BIN2: variants seen among roughly 807,000 people sequenced by gnomAD.
The protein encoded by BIN2 is breast cancer associated protein BRAP1.
Under a neutral mutation model 67.9 loss-of-function variants are expected in BIN2, and 43 were observed. The ratio of observed to expected loss-of-function variants is 0.63; its 90% CI spans 0.50 to 0.82. The LOEUF (loss-of-function observed/expected upper bound fraction) is 0.82, where lower values mean the gene tolerates loss of function less well. Among genes scored for constraint, BIN2 ranks in the 40% least tolerant of loss-of-function variants. The pLI, the probability that BIN2 is intolerant of heterozygous loss-of-function variation, is 0.00. For missense variants in BIN2, 581 were observed against 671.6 expected (o/e 0.87, Z 1.49); for synonymous variants, 244 against 246.8 (o/e 0.99, Z 0.11).
chr12:51,298,424 G>A (rs985671796), intron 7 of BIN2, among the ~76,000 whole-genome samples: 3 of 151,860 alleles, frequency 2.0e-5, no homozygotes, highest in African/African-American at 7.3e-5. Context: ...GTGGTGGCAC[G>A]TGCCTGTAGT....
chr12:51,283,179 C>T (rs1945153389), intron 12 of BIN2, among the ~76,000 whole-genome samples: 1 of 150,080 alleles, frequency 6.7e-6, no homozygotes, highest in African/African-American at 2.5e-5. Flanking sequence ...ATCGCTTGAA[C>T]CCAGGAGGCG....
intron 2 of BIN2, among the ~76,000 whole-genome samples, chr12:51,309,860 GA>G (rs940696576): frequency 1.1e-3 from 165 of 152,292 alleles, no homozygotes; most frequent in African/African-American, 3.3e-3. Flanking sequence ...TGCTCTTAGA[GA>G]GAGGACAAAG....
chr12:51,312,538 T>C (rs949573066), intron 2 of BIN2, among the ~76,000 whole-genome samples: 6 of 152,310 alleles, frequency 3.9e-5, no homozygotes, highest in African/African-American at 1.4e-4. Flanking sequence ...GTTACTTAGG[T>C]TGCCGAATGA....
intron 11 of BIN2, among the ~76,000 whole-genome samples, chr12:51,287,013 G>A (rs1330555674): frequency 6.6e-6 from 1 of 152,040 alleles, no homozygotes; most frequent in Non-Finnish European, 1.5e-5. Flanking sequence ...GTAGAGATGG[G>A]TTTTTCCTAT....
At chr12:51,299,093 G>A in intron 7 of BIN2, 110 bp downstream of exon 7, 2 of 650,318 alleles carry the variant, frequency 3.1e-6, no homozygotes, top group South Asian at 3.6e-5. Flanking sequence ...AAAAAAGGGG[G>A]CGGGGCAGTG....
chr12:51,299,372 T>A, intron 6 of BIN2, 84 bp from the exon 7 acceptor site: 1 of 1,333,932 alleles, frequency 7.5e-7, no homozygotes, highest in Non-Finnish European at 1.1e-6. Flanking sequence ...TGCATTTTTT[T>A]AGGCACTAGG....
At chr12:51,306,124 C>A (rs898641204) in intron 2 of BIN2, among the ~76,000 whole-genome samples, 1 of 152,098 alleles carries the variant, frequency 6.6e-6, no homozygotes, top group Admixed American at 6.6e-5. Context: ...GTGTGAGCCA[C>A]TGTGCTGGGT....
At chr12:51,308,079 C>T (rs1265215091) in intron 2 of BIN2, among the ~76,000 whole-genome samples, 1 of 151,994 alleles carries the variant, frequency 6.6e-6, no homozygotes, top group African/African-American at 2.4e-5. Flanking sequence ...AGGTCAGCAA[C>T]AGGTATCATT....
chr12:51,297,052 C>T (rs1352254160), intron 8 of BIN2, 37 bp downstream of exon 8: 1 of 1,548,672 alleles, frequency 6.5e-7, no homozygotes, highest in African/African-American at 1.4e-5. Context: ...TACTAGAAAA[C>T]ACACCTAGGA....
chr12:51,282,833 G>A (rs1235224566), intron 12 of BIN2, among the ~76,000 whole-genome samples: 2 of 151,730 alleles, frequency 1.3e-5, no homozygotes, highest in African/African-American at 2.4e-5. Context: ...TGAACTCCTG[G>A]TCTCAAGTGA....
chr12:51,281,453 C>T lies in BIN2; in HGVS notation c.*46G>A, dbSNP rs1440811991. ...TGACCTATACCCTCTGGTTGAAGAG[C>T]TTCTCTGGCGAGGTTTGGGGCAGGA... On this transcript the variant is annotated 3_prime_UTR_variant, in exon 13 of 13. Transcript: ENST00000615107. 2 of 1,595,340 alleles carry T rather than the reference C, an allele frequency of 1.3e-6. No homozygotes were observed. Among genetic ancestry groups the T allele is most frequent in the South Asian group, 1.1e-5 (1 of 90,666 alleles).
rs1433079941 is a variant in BIN2, at chr12:51,292,081, C to T, written c.1025G>A (p.Gly342Asp). 9 of 1,614,146 alleles carry T rather than the reference C, an allele frequency of 5.6e-6. No individual in the cohort carries two copies. The highest frequency in any genetic ancestry group is 2.2e-5 in the South Asian group (2 of 91,088). ...EEDEPLPACN[G>D]PAQAQPSPTT... ...AGGAGAGGGCTGGGCCTGGGCGGGG[C>T]CATTGCAGGCTGGTAGAGGCTCATC... The change falls in exon 10 of 13, where the codon GGC (glycine) becomes GAC (aspartate). Residue 342 changes from glycine (G) to aspartate (D), a missense_variant. Gly to Asp is a moderately conservative substitution (Grantham distance 94, BLOSUM62 -1). Coordinates refer to ENST00000615107, the MANE Select transcript of BIN2 (RefSeq NM_016293.4).
chr12:51,293,855 A>C (rs1324870473), intron 9 of BIN2, among the ~76,000 whole-genome samples: 1 of 152,208 alleles, frequency 6.6e-6, no homozygotes, highest in Non-Finnish European at 1.5e-5. Context: ...ATGTGGACTC[A>C]TGAGGGCTCT....
At chr12:51,307,315 A>G (rs1307630483) in intron 2 of BIN2, among the ~76,000 whole-genome samples, 1 of 152,026 alleles carries the variant, frequency 6.6e-6, no homozygotes, top group Non-Finnish European at 1.5e-5. Context: ...CAAGACTTTT[A>G]AATTCTTTCT....
intron 7 of BIN2, among the ~76,000 whole-genome samples, chr12:51,298,246 C>T (rs1945622550): frequency 1.3e-5 from 2 of 152,208 alleles, no homozygotes; most frequent in Admixed American, 6.5e-5. Flanking sequence ...GTGGCACGCG[C>T]CTGTAGTCCC....
chr12:51,302,237 T>A (rs1052123503), intron 4 of BIN2, 122 bp from the exon 5 acceptor site: 10 of 668,726 alleles, frequency 1.5e-5, no homozygotes, highest in African/African-American at 3.6e-5. Context: ...GAATACCATG[T>A]TGGATTCTGG....
At chr12:51,304,412 C>G (rs1945814365) in intron 2 of BIN2, 1 of 152,122 alleles carries the variant, frequency 6.6e-6, no homozygotes, top group African/African-American at 2.4e-5. Context: ...GTGTTTAGGC[C>G]CTCTTCCCAT....
chr12:51,311,918 TGTCCTATCAC>T (rs1417255617), intron 2 of BIN2, among the ~76,000 whole-genome samples: 1 of 152,074 alleles, frequency 6.6e-6, no homozygotes, highest in African/African-American at 2.4e-5. Context: ...ATTACAGGCA[TGTCCTATCAC>T]GCCCAGCTAA....
At position 51,292,195 on chromosome 12, in the gene BIN2, G is replaced by C. The variant is rs775958753; in HGVS notation, c.911C>G (p.Ala304Gly). The C allele has an allele frequency of 6.8e-6, 11 of 1,612,364 alleles. 1 individual carries two copies. In the South Asian group the frequency reaches 1.2e-4, roughly 18 times the overall value. ...GATCTCAGAATTGTCTTCCCCTTGG[G>C]CTGCATCAGGTGCCAGATCTTCAGT... Reference protein sequence around the residue: ...SATEDLAPDAAQGEDNSEIKE... With the variant: ...SATEDLAPDAGQGEDNSEIKE... The change falls in exon 10 of 13, where the codon GCC (alanine) becomes GGC (glycine). Residue 304 changes from alanine (A) to glycine (G), a missense_variant. Coordinates refer to ENST00000615107, the MANE Select transcript of BIN2 (RefSeq NM_016293.4).
Sources: gnomAD v4.1 joint callset for allele counts (sites outside exome capture counted in the v4.1 genomes callset) on GRCh38, gnomAD v4.1.1 for gene constraint, MANE v1.5 for transcripts, NCBI Gene and HGNC (gene_info 2026-07-23, HGNC 2026-07-21) for gene names.